POU6F2: variants seen among roughly 807,000 people sequenced by gnomAD.
POU6F2 encodes the protein POU domain, class 6, transcription factor 2.
Under a neutral mutation model 71.3 loss-of-function variants are expected in POU6F2, and 31 were observed. The observed-to-expected ratio is 0.43, with a 90% CI of 0.33 to 0.59. The LOEUF (loss-of-function observed/expected upper bound fraction) is 0.59, where lower values mean the gene tolerates loss of function less well. Among genes scored for constraint, POU6F2 ranks in the 20% least tolerant of loss-of-function variants. The pLI, the probability that POU6F2 is intolerant of heterozygous loss-of-function variation, is 0.04. For synonymous variants in POU6F2, 347 were observed against 355.7 expected (o/e 0.98, Z 0.27); for missense variants, 783 against 856.8 (o/e 0.91, Z 1.07).
chr7:39,205,752 G>A (rs757874512), intron 3 of POU6F2, among the ~76,000 whole-genome samples: 50 of 152,110 alleles, frequency 3.3e-4, no homozygotes, highest in Non-Finnish European at 6.2e-4. Context: ...AGGCCTGTGG[G>A]GTCTAAAGCA....
chr7:39,166,075 A>C (rs921592870), intron 2 of POU6F2, among the ~76,000 whole-genome samples: 1 of 152,208 alleles, frequency 6.6e-6, no homozygotes, highest in Admixed American at 6.5e-5. Flanking sequence ...TGTTCATCTT[A>C]TCCACCAGAC....
chr7:39,108,388 G>A (rs1244530713), intron 2 of POU6F2, among the ~76,000 whole-genome samples: 3 of 152,022 alleles, frequency 2.0e-5, no homozygotes, highest in Non-Finnish European at 4.4e-5. Flanking sequence ...TAAATTACCA[G>A]GGGTCAACCC....
At chr7:39,210,650 T>G (rs1462551768) in intron 4 of POU6F2, among the ~76,000 whole-genome samples, 1 of 152,110 alleles carries the variant, frequency 6.6e-6, no homozygotes, top group Non-Finnish European at 1.5e-5. Flanking sequence ...GGGGGTCATA[T>G]CACAATCTCC....
In POU6F2 at chr7:39,456,078, C is replaced by A. The variant is rs140269611; in HGVS notation, c.1489+4377C>A. ...GGCCCTGTCTTTAATATATCAGGCT[C>A]ATGTAATCTGGAGCAAACTTCTATA... On this transcript the variant is annotated intron_variant, in intron 8 of 9. Coordinates refer to ENST00000518318, the MANE Select transcript of POU6F2 (RefSeq NM_001370959.1). Among the ~76,000 whole-genome samples the A allele has an allele frequency of 2.0e-3, 299 of 152,270 alleles. 3 individuals are homozygous for A. The highest frequency in any genetic ancestry group is 6.4e-3 in the African/African-American group (266 of 41,552).
At chr7:38,981,540 C>G (rs1297574400) in intron 1 of POU6F2, among the ~76,000 whole-genome samples, 1 of 152,038 alleles carries the variant, frequency 6.6e-6, no homozygotes, top group Non-Finnish European at 1.5e-5. Flanking sequence ...AACAGATGAA[C>G]CAAATTAGAT....
At chr7:39,198,203 G>A (rs1255788829) in intron 2 of POU6F2, among the ~76,000 whole-genome samples, 3 of 152,196 alleles carry the variant, frequency 2.0e-5, no homozygotes, top group Non-Finnish European at 4.4e-5. Flanking sequence ...ACTGAGGGAT[G>A]TTTAGTAAAT....
intron 1 of POU6F2, among the ~76,000 whole-genome samples, chr7:39,037,509 T>C (rs1458923346): frequency 6.6e-6 from 1 of 151,574 alleles, no homozygotes. Flanking sequence ...TGTCTTCTTT[T>C]TTGTCTTAAT....
intron 4 of POU6F2, among the ~76,000 whole-genome samples, chr7:39,244,486 G>A (rs1172235878): frequency 6.6e-6 from 1 of 152,096 alleles, no homozygotes; most frequent in Non-Finnish European, 1.5e-5. Context: ...AGTCATTGTG[G>A]GGATTAAATA....
chr7:39,081,733 TACAC>T (rs1791122303), intron 1 of POU6F2, among the ~76,000 whole-genome samples: 1 of 152,200 alleles, frequency 6.6e-6, no homozygotes, highest in African/African-American at 2.4e-5. Context: ...AAGATAATAC[TACAC>T]ACAGTATGTC....
In POU6F2 at chr7:39,329,604, T is replaced by A. The variant is rs76000428; in HGVS notation, c.599-10038T>A. On this transcript the variant is annotated intron_variant, in intron 4 of 9. Coordinates refer to ENST00000518318, the MANE Select transcript of POU6F2 (RefSeq NM_001370959.1). ...AATGATTCACTGGTGTTGGGAGAAG[T>A]CAAGGGAATAGAGGGACTCTGTGAG... 1.4e-3 allele frequency among the ~76,000 whole-genome samples: 217 copies of A among 152,242 alleles called. 1 individual carries two copies. The highest frequency in any genetic ancestry group is 2.4e-3 in the Non-Finnish European group (164 of 68,010).
chr7:39,094,692 A>G (rs578150187), intron 2 of POU6F2, among the ~76,000 whole-genome samples: 2 of 152,198 alleles, frequency 1.3e-5, no homozygotes, highest in South Asian at 4.1e-4. Flanking sequence ...TGCAGGAGGG[A>G]ATCATCACTC....
chr7:39,147,257 C>G (rs1423076235), intron 2 of POU6F2, among the ~76,000 whole-genome samples: 2 of 151,972 alleles, frequency 1.3e-5, no homozygotes, highest in African/African-American at 4.8e-5. Context: ...TGGCAAAAAC[C>G]ACAATTACTT....
chr7:39,329,964 C>A (rs1405422319), intron 4 of POU6F2, among the ~76,000 whole-genome samples: 1 of 152,150 alleles, frequency 6.6e-6, no homozygotes, highest in Non-Finnish European at 1.5e-5. Flanking sequence ...AGTTTTGAAA[C>A]TAATTTTTGT....
intron 1 of POU6F2, among the ~76,000 whole-genome samples, chr7:39,052,984 T>C (rs916194465): frequency 3.3e-5 from 5 of 152,110 alleles, no homozygotes; most frequent in Non-Finnish European, 5.9e-5. Flanking sequence ...TCAGCATCAC[T>C]TGGGAACTTA....
At chr7:39,223,057 A>G (rs969213303) in intron 4 of POU6F2, among the ~76,000 whole-genome samples, 1 of 151,856 alleles carries the variant, frequency 6.6e-6, no homozygotes, top group African/African-American at 2.4e-5. Context: ...AACATTTACA[A>G]TTTTCTGAAG....
chr7:39,192,781 T>C (rs1212231036), intron 2 of POU6F2, among the ~76,000 whole-genome samples: 1 of 152,146 alleles, frequency 6.6e-6, no homozygotes, highest in Non-Finnish European at 1.5e-5. Context: ...AAGAGTCTAC[T>C]GCAAATGTCT....
chr7:39,096,050 C>T (rs1791449158), intron 2 of POU6F2, among the ~76,000 whole-genome samples: 1 of 152,148 alleles, frequency 6.6e-6, no homozygotes, highest in African/African-American at 2.4e-5. Flanking sequence ...AATTTTGAAT[C>T]TGGCACCAGT....
At chr7:39,373,442 C>A (rs1247978598) in intron 5 of POU6F2, 1 of 456,536 alleles carries the variant, frequency 2.2e-6, no homozygotes, top group African/African-American at 2.0e-5. Flanking sequence ...TGTAGCCCAG[C>A]AATCAAAATC....
intron 2 of POU6F2, among the ~76,000 whole-genome samples, chr7:39,143,989 C>A (rs866857730): frequency 3.9e-5 from 6 of 152,276 alleles, no homozygotes; most frequent in Middle Eastern, 6.8e-3. Context: ...ATCACAACCA[C>A]AAGCCAAATA....
Sources: gnomAD v4.1 joint callset for allele counts (sites outside exome capture counted in the v4.1 genomes callset) on GRCh38, gnomAD v4.1.1 for gene constraint, MANE v1.5 for transcripts, NCBI Gene and HGNC (gene_info 2026-07-23, HGNC 2026-07-21) for gene names.